NRXN3: variants seen among roughly 807,000 people sequenced by gnomAD.
NRXN3 encodes neurexin 3.
NRXN3 carries 32 observed loss-of-function variants against 137.6 expected under a neutral mutation model. The ratio of observed to expected loss-of-function variants is 0.23; its 90% confidence interval spans 0.18 to 0.31. The LOEUF (loss-of-function observed/expected upper bound fraction) is 0.31. Ranked by LOEUF, NRXN3 falls within the 10% of genes least tolerant of loss-of-function variation. The pLI, the probability that NRXN3 is intolerant of heterozygous loss-of-function variation, is 1.00. For missense variants in NRXN3, 1,574 were observed against 2,062.5 expected (o/e 0.76, Z 4.59); for synonymous variants, 798 against 784.5 (o/e 1.02, Z -0.29).
chr14:78,668,517 G>C (rs1346913998), intron 6 of NRXN3, among the ~76,000 whole-genome samples: 1 of 152,158 alleles, frequency 6.6e-6, no homozygotes, highest in African/African-American at 2.4e-5. Flanking sequence ...AGGAGTGGTT[G>C]GAGGGGAGTA....
At chr14:79,553,021 G>A (rs1192481473) in intron 16 of NRXN3, among the ~76,000 whole-genome samples, 1 of 152,008 alleles carries the variant, frequency 6.6e-6, no homozygotes, top group Non-Finnish European at 1.5e-5. Context: ...GAACTTCAGA[G>A]AGAGCCCCTC....
intron 15 of NRXN3, among the ~76,000 whole-genome samples, chr14:79,164,156 ACTT>A (rs538385272): frequency 3.3e-5 from 5 of 151,862 alleles, no homozygotes; most frequent in South Asian, 2.1e-4. Context: ...GTCACTTATC[ACTT>A]CTTCTTCTTA....
At chr14:78,192,682 T>C (rs2060858155) in intron 1 of NRXN3, among the ~76,000 whole-genome samples, 2 of 152,028 alleles carry the variant, frequency 1.3e-5, no homozygotes, top group Non-Finnish European at 2.9e-5. Context: ...GGTGTTGATG[T>C]GAGGAGCCAT....
chr14:79,733,487 T>C (rs1442683769), intron 19 of NRXN3, among the ~76,000 whole-genome samples: 1 of 152,160 alleles, frequency 6.6e-6, no homozygotes, highest in African/African-American at 2.4e-5. Flanking sequence ...ACCTTTACTG[T>C]GTGTGGTAAT....
At chr14:78,171,571 T>G (rs2058728273) in intron 1 of NRXN3, among the ~76,000 whole-genome samples, 1 of 152,102 alleles carries the variant, frequency 6.6e-6, no homozygotes. Context: ...TTTCAGCTCT[T>G]TCCCTCTCTC....
chr14:79,551,237 T>C (rs1008828458), intron 16 of NRXN3, among the ~76,000 whole-genome samples: 6 of 152,184 alleles, frequency 3.9e-5, no homozygotes, highest in Non-Finnish European at 8.8e-5. Flanking sequence ...TCTTTCCCTC[T>C]CATTCTTTCT....
At chr14:79,334,690 G>T (rs560441793) in intron 15 of NRXN3, among the ~76,000 whole-genome samples, 13 of 152,270 alleles carry the variant, frequency 8.5e-5, no homozygotes, top group Admixed American at 8.5e-4. Flanking sequence ...GAGCCACCGA[G>T]GAGGCTGCTG....
chr14:78,937,820 GA>G (rs2099345120), intron 10 of NRXN3, among the ~76,000 whole-genome samples: 1 of 152,198 alleles, frequency 6.6e-6, no homozygotes. Flanking sequence ...CCTTTGAGAG[GA>G]AAATTCACTG....
At chr14:79,469,817 A>C (rs962264213) in intron 16 of NRXN3, among the ~76,000 whole-genome samples, 2 of 152,160 alleles carry the variant, frequency 1.3e-5, no homozygotes, top group Non-Finnish European at 2.9e-5. Context: ...GGGTCTAGTC[A>C]TTTGAAGCCA....
At chr14:78,248,727 G>A (rs1225563611) in intron 2 of NRXN3, among the ~76,000 whole-genome samples, 8 of 152,170 alleles carry the variant, frequency 5.3e-5, no homozygotes, top group African/African-American at 1.7e-4. Flanking sequence ...AGGGGTGGGT[G>A]TCCTGCAGGG....
intron 4 of NRXN3, among the ~76,000 whole-genome samples, chr14:78,378,250 C>T (rs770481225): frequency 1.3e-5 from 2 of 152,064 alleles, no homozygotes; most frequent in East Asian, 1.9e-4. Context: ...TTTGGGAGGC[C>T]GAGGTGGATG....
intron 4 of NRXN3, among the ~76,000 whole-genome samples, chr14:78,618,796 C>G (rs1426138239): frequency 1.3e-5 from 2 of 152,154 alleles, no homozygotes; most frequent in African/African-American, 4.8e-5. Context: ...TTAGTTGCAG[C>G]CACTGGTGGT....
chr14:78,368,049 C>G (rs1389716808), intron 4 of NRXN3, among the ~76,000 whole-genome samples: 1 of 152,150 alleles, frequency 6.6e-6, no homozygotes, highest in Non-Finnish European at 1.5e-5. Flanking sequence ...GAAGCCCTTA[C>G]TTCAAAAATT....
chr14:79,391,253 G>C (rs1215135630), intron 15 of NRXN3, among the ~76,000 whole-genome samples: 1 of 152,106 alleles, frequency 6.6e-6, no homozygotes, highest in Non-Finnish European at 1.5e-5. Context: ...TTTTCTATCA[G>C]ATGTATCCTG....
chr14:79,675,641 T>G (rs2098636691), intron 17 of NRXN3, among the ~76,000 whole-genome samples: 1 of 152,038 alleles, frequency 6.6e-6, no homozygotes, highest in Non-Finnish European at 1.5e-5. Context: ...TAGGGTGACA[T>G]AGACCTACTG....
chr14:79,582,069 C>T (rs1318483577), intron 16 of NRXN3, among the ~76,000 whole-genome samples: 1 of 152,118 alleles, frequency 6.6e-6, no homozygotes, highest in Non-Finnish European at 1.5e-5. Context: ...GGACTATAGG[C>T]ACCTGCCACC....
chr14:78,817,343 A>G (rs1180123103), intron 10 of NRXN3, among the ~76,000 whole-genome samples: 4 of 152,240 alleles, frequency 2.6e-5, no homozygotes, highest in African/African-American at 9.6e-5. Flanking sequence ...AACTTGAGGC[A>G]TTAAATTACA....
At chr14:78,919,910 A>G (rs936670355) in intron 10 of NRXN3, among the ~76,000 whole-genome samples, 1 of 152,224 alleles carries the variant, frequency 6.6e-6, no homozygotes, top group Admixed American at 6.5e-5. Context: ...CGTCACAGTC[A>G]TCATCTAATT....
At chr14:79,563,192 G>C (rs1403282147) in intron 16 of NRXN3, among the ~76,000 whole-genome samples, 1 of 152,106 alleles carries the variant, frequency 6.6e-6, no homozygotes, top group Non-Finnish European at 1.5e-5. Flanking sequence ...TATCCATAGA[G>C]AATAATATTA....
Sources: gnomAD v4.1 joint callset for allele counts (sites outside exome capture counted in the v4.1 genomes callset) on GRCh38, gnomAD v4.1.1 for gene constraint, MANE v1.5 for transcripts, NCBI Gene and HGNC (gene_info 2026-07-23, HGNC 2026-07-21) for gene names.